STXBP4: variants seen among roughly 807,000 people sequenced by gnomAD.
STXBP4 encodes syntaxin-binding protein 4.
A neutral mutation model predicts 76.1 loss-of-function variants in STXBP4; 55 were observed. The ratio of observed to expected loss-of-function variants is 0.72; its 90% confidence interval spans 0.58 to 0.91. The LOEUF (loss-of-function observed/expected upper bound fraction) is 0.91. Among genes scored for constraint, STXBP4 ranks in the 40% least tolerant of loss-of-function variants. The probability of loss-of-function intolerance (pLI) is 0.00; values close to 1 mark genes in which losing one functional copy is unlikely to be tolerated. For missense variants in STXBP4, 618 were observed against 636.9 expected, an observed-to-expected ratio of 0.97 and a Z score of 0.32; for synonymous variants, 201 against 220.2, an observed-to-expected ratio of 0.91 and a Z score of 0.77.
the STXBP4 span, among the ~76,000 whole-genome samples, chr17:55,203,458 G>A: frequency 6.6e-6 from 1 of 152,136 alleles, no homozygotes; most frequent in African/African-American, 2.4e-5. Context: ...TTTGTAGAAT[G>A]GGTGGATGGT....
intron 8 of STXBP4, among the ~76,000 whole-genome samples, chr17:55,012,258 C>T (rs1239591044): frequency 1.3e-5 from 2 of 152,052 alleles, no homozygotes; most frequent in African/African-American, 4.8e-5. Context: ...GGCTAGCCAT[C>T]CTGAGGGGAG....
At chr17:55,042,114 A>C (rs577338016) in intron 10 of STXBP4, among the ~76,000 whole-genome samples, 30 of 152,138 alleles carry the variant, frequency 2.0e-4, no homozygotes, top group Non-Finnish European at 4.4e-5. Context: ...GTTCTCCCCA[A>C]ATATGAAGAA....
At chr17:55,112,168 CCT>C (rs2079728191) in intron 16 of STXBP4, among the ~76,000 whole-genome samples, 1 of 152,122 alleles carries the variant, frequency 6.6e-6, no homozygotes, top group East Asian at 1.9e-4. Context: ...GATCCTCCCA[CCT>C]CTGTCTCACA....
intron 16 of STXBP4, among the ~76,000 whole-genome samples, chr17:55,096,868 A>G (rs778889492): frequency 7.2e-5 from 11 of 152,160 alleles, no homozygotes; most frequent in Non-Finnish European, 1.6e-4. Context: ...TCAAACCTGT[A>G]TTATTGCTCT....
intron 16 of STXBP4, among the ~76,000 whole-genome samples, chr17:55,105,675 T>TC (rs2079626186): frequency 1.3e-5 from 2 of 151,850 alleles, no homozygotes; most frequent in African/African-American, 4.8e-5. Context: ...AGACGGGGTT[T>TC]CACTGTGTTA....
At chr17:55,191,904 A>G in the STXBP4 span, among the ~76,000 whole-genome samples, 1 of 152,204 alleles carries the variant, frequency 6.6e-6, no homozygotes, top group Non-Finnish European at 1.5e-5. Context: ...CTGATTGGTT[A>G]CAAATTGTAC....
chr17:55,143,051 T>C (rs2080112098), intron 17 of STXBP4, among the ~76,000 whole-genome samples: 1 of 152,186 alleles, frequency 6.6e-6, no homozygotes, highest in Admixed American at 6.5e-5. Context: ...CTTTTTGATA[T>C]TAACTTTATA....
chr17:55,080,537 C>T (rs1405152613), intron 15 of STXBP4, among the ~76,000 whole-genome samples: 3 of 151,676 alleles, frequency 2.0e-5, no homozygotes, highest in Non-Finnish European at 4.4e-5. Context: ...GTGACATTTG[C>T]ATTTTTTGAA....
chr17:55,081,013 G>C (rs1238465351), intron 15 of STXBP4, 37 bp from the exon 16 acceptor site: 9 of 1,397,146 alleles, frequency 6.4e-6, no homozygotes, highest in Non-Finnish European at 1.9e-6. Flanking sequence ...GTTGTTTATT[G>C]TGTAGTAAGT....
intron 12 of STXBP4, among the ~76,000 whole-genome samples, chr17:55,060,613 A>C (rs9303363): frequency 6.6e-6 from 1 of 152,018 alleles, no homozygotes; most frequent in Non-Finnish European, 1.5e-5. Context: ...TATTCAATCA[A>C]GGATAGCTAC....
At position 55,162,869 on chromosome 17, in the gene STXBP4, A is replaced by G. The variant is rs1002789419; in HGVS notation, c.*2958A>G. The G allele has an allele frequency of 6.6e-6, 1 of 152,234 alleles. No individual in the cohort carries two copies. The highest frequency in any genetic ancestry group is 2.4e-5 in the African/African-American group (1 of 41,450). The allele number at this position is 152,234 out of a possible 1,614,324, so 9.4% of individuals were successfully genotyped here. Reference sequence around the variant, plus strand: ...TTTATTTCAAATGTCTACATAAAATATCACTACCCACATAACCTATAATTT... The same window carrying G: ...TTTATTTCAAATGTCTACATAAAATGTCACTACCCACATAACCTATAATTT... On this transcript the variant is annotated 3_prime_UTR_variant, in exon 18 of 18. Transcript: ENST00000376352.
chr17:55,171,781 G>C lies in STXBP4; in HGVS notation c.*11870G>C, dbSNP rs59491485. 6.6e-6 allele frequency: 1 copy of C among 152,136 alleles called. No individual in the cohort carries two copies. Among genetic ancestry groups the C allele is most frequent in the Non-Finnish European group, 1.5e-5 (1 of 68,044 alleles). 9.4% of individuals were successfully genotyped at this position (152,136 alleles called of 1,614,324 possible). The stretch of plus-strand genomic sequence containing the variant: ...CCTAGAATGGAACCCTCCCTCCCCC[G>C]CCCCTGGGGCCTTCAGAGGGAGCGG... On this transcript the variant is annotated 3_prime_UTR_variant, in exon 18 of 18. Transcript: ENST00000376352.
intron 17 of STXBP4, among the ~76,000 whole-genome samples, chr17:55,159,512 G>A (rs1434538090): frequency 6.6e-6 from 1 of 152,224 alleles, no homozygotes; most frequent in African/African-American, 2.4e-5. Context: ...CAGCAAGGCA[G>A]TCATTGGACT....
At chr17:55,038,422 G>A (rs2078641570) in intron 10 of STXBP4, among the ~76,000 whole-genome samples, 1 of 152,016 alleles carries the variant, frequency 6.6e-6, no homozygotes, top group South Asian at 2.1e-4. Flanking sequence ...TTTGTAACTT[G>A]CTGCTTTTCC....
chr17:55,148,127 C>A (rs2080177148), intron 17 of STXBP4, among the ~76,000 whole-genome samples: 1 of 152,164 alleles, frequency 6.6e-6, no homozygotes, highest in Non-Finnish European at 1.5e-5. Flanking sequence ...TTCTAATACG[C>A]ATGGTTTCTC....
At chr17:55,031,441 G>A (rs1378828854) in intron 9 of STXBP4, among the ~76,000 whole-genome samples, 177 bp downstream of exon 9, 1 of 144,904 alleles carries the variant, frequency 6.9e-6, no homozygotes, top group Non-Finnish European at 1.6e-5. Flanking sequence ...TGACCTGGCA[G>A]GGTCAGCAGA....
At chr17:55,085,820 A>G (rs2079319323) in intron 16 of STXBP4, among the ~76,000 whole-genome samples, 2 of 152,142 alleles carry the variant, frequency 1.3e-5, no homozygotes, top group South Asian at 4.1e-4. Context: ...CCCAATAAAT[A>G]TATACTTAAA....
chr17:55,118,851 A>T (rs528528476), intron 16 of STXBP4, among the ~76,000 whole-genome samples: 2 of 151,692 alleles, frequency 1.3e-5, no homozygotes, highest in East Asian at 3.9e-4. Flanking sequence ...GTAATTTTTT[A>T]AAATTTTCTC....
the STXBP4 span, among the ~76,000 whole-genome samples, chr17:55,185,114 G>C: frequency 6.6e-6 from 1 of 152,050 alleles, no homozygotes; most frequent in African/African-American, 2.4e-5. Flanking sequence ...CAAATAATCT[G>C]CCCATCTCGG....
Sources: allele counts gnomAD v4.1 joint callset (sites outside exome capture counted in the v4.1 genomes callset), GRCh38; gene constraint gnomAD v4.1.1; transcripts MANE v1.5; gene names NCBI Gene and HGNC (gene_info 2026-07-23, HGNC 2026-07-21).